Variants in ZNF804A observed in about 807,000 individuals in gnomAD.
ZNF804A encodes zinc finger protein 804A.
A neutral mutation model predicts 16.5 loss-of-function variants in ZNF804A; 2 were observed. The ratio of observed to expected loss-of-function variants is 0.12; its 90% confidence interval spans 0.05 to 0.38. ZNF804A has a LOEUF of 0.38. ZNF804A is among the 10% of genes least tolerant of loss of function. The pLI is 0.99. For synonymous variants in ZNF804A, 534 were observed against 489.6 expected (o/e 1.09, Z -1.20); for missense variants, 1,473 against 1,390.7 (o/e 1.06, Z -0.94).
chr2:184,688,531 A>G (rs1692676346), intron 1 of ZNF804A, among the ~76,000 whole-genome samples: 1 of 152,140 alleles, frequency 6.6e-6, no homozygotes, highest in Non-Finnish European at 1.5e-5. Flanking sequence ...TTAAACTGAG[A>G]GATAGGATTA....
intron 1 of ZNF804A, among the ~76,000 whole-genome samples, chr2:184,781,976 G>A (rs1044933048): frequency 6.6e-6 from 1 of 151,696 alleles, no homozygotes; most frequent in Non-Finnish European, 1.5e-5. Flanking sequence ...TATGCTGATG[G>A]CCATTTCTTC....
chr2:184,736,546 G>A (rs1380815767), intron 1 of ZNF804A, among the ~76,000 whole-genome samples: 1 of 152,032 alleles, frequency 6.6e-6, no homozygotes, highest in Non-Finnish European at 1.5e-5. Flanking sequence ...GGAACACATG[G>A]ACACAGGCAG....
At chr2:184,693,784 T>G (rs1574165747) in intron 1 of ZNF804A, among the ~76,000 whole-genome samples, 1 of 152,180 alleles carries the variant, frequency 6.6e-6, no homozygotes, top group Non-Finnish European at 1.5e-5. Flanking sequence ...CCTGGATTTA[T>G]TCTCGCTTTG....
At chr2:184,920,405 T>C (rs1397734467) in intron 2 of ZNF804A, among the ~76,000 whole-genome samples, 8 of 152,116 alleles carry the variant, frequency 5.3e-5, no homozygotes, top group African/African-American at 1.9e-4. Flanking sequence ...GTCTGGAGAG[T>C]TTTCCCTGAG....
chr2:184,762,692 A>G (rs575003773), intron 1 of ZNF804A, among the ~76,000 whole-genome samples: 12 of 152,004 alleles, frequency 7.9e-5, no homozygotes, highest in Non-Finnish European at 1.3e-4. Context: ...CTGAGTTTTT[A>G]ATTATATCAA....
intron 1 of ZNF804A, among the ~76,000 whole-genome samples, chr2:184,735,914 C>T (rs886380001): frequency 2.0e-5 from 3 of 152,122 alleles, no homozygotes; most frequent in Non-Finnish European, 4.4e-5. Flanking sequence ...TAGCCACCAC[C>T]ACCACACAGG....
intron 1 of ZNF804A, among the ~76,000 whole-genome samples, chr2:184,651,062 G>A (rs1691975316): frequency 6.6e-6 from 1 of 151,784 alleles, no homozygotes; most frequent in African/African-American, 2.4e-5. Flanking sequence ...TATTATTATA[G>A]CCAAAACAGC....
chr2:184,829,941 A>AAAAAAAAAAAAAAAAC (rs1558975002), intron 1 of ZNF804A, among the ~76,000 whole-genome samples: 1 of 146,130 alleles, frequency 6.8e-6, no homozygotes, highest in African/African-American at 2.6e-5. Flanking sequence ...AAAAAAAAAA[A>AAAAAAAAAAAAAAAAC]ACCACACACA....
At chr2:184,714,934 C>T (rs1467775970) in intron 1 of ZNF804A, among the ~76,000 whole-genome samples, 2 of 152,094 alleles carry the variant, frequency 1.3e-5, no homozygotes, top group Non-Finnish European at 2.9e-5. Context: ...ATACCTTCTT[C>T]ATACTCAGAA....
At chr2:184,883,785 A>G (rs114275971) in intron 2 of ZNF804A, among the ~76,000 whole-genome samples, 46 of 152,244 alleles carry the variant, frequency 3.0e-4, no homozygotes, top group African/African-American at 1.1e-3. Flanking sequence ...CAAACCAGGA[A>G]TTGAAGGAAC....
chr2:184,925,286 G>A (rs943049290), intron 2 of ZNF804A, among the ~76,000 whole-genome samples: 2 of 151,708 alleles, frequency 1.3e-5, no homozygotes, highest in African/African-American at 4.8e-5. Context: ...GTTATATAGT[G>A]ACCTTCTTTG....
At chr2:184,677,002 T>C (rs1692447271) in intron 1 of ZNF804A, among the ~76,000 whole-genome samples, 3 of 151,916 alleles carry the variant, frequency 2.0e-5, no homozygotes, top group Admixed American at 6.6e-5. Context: ...AAATCTATTA[T>C]ATTTGGAGTT....
intron 1 of ZNF804A, among the ~76,000 whole-genome samples, chr2:184,754,924 T>A (rs1378130762): frequency 6.6e-6 from 1 of 151,846 alleles, no homozygotes; most frequent in Admixed American, 6.6e-5. Flanking sequence ...GCCACACACC[T>A]TTAAACCATC....
At chr2:184,725,018 T>G (rs1451369617) in intron 1 of ZNF804A, among the ~76,000 whole-genome samples, 1 of 151,756 alleles carries the variant, frequency 6.6e-6, no homozygotes, top group Non-Finnish European at 1.5e-5. Flanking sequence ...CAGTTATTCC[T>G]AGGGATTTAT....
At chr2:184,800,039 T>C (rs1487724381) in intron 1 of ZNF804A, among the ~76,000 whole-genome samples, 3 of 152,134 alleles carry the variant, frequency 2.0e-5, no homozygotes, top group Non-Finnish European at 4.4e-5. Flanking sequence ...TTCAAGGTAT[T>C]GTTGTATCTA....
chr2:184,774,732 T>C (rs1162831756), intron 1 of ZNF804A, among the ~76,000 whole-genome samples: 3 of 151,788 alleles, frequency 2.0e-5, no homozygotes, highest in African/African-American at 7.2e-5. Flanking sequence ...ATCTCTGTGA[T>C]ACATTTTTGC....
At chr2:184,809,874 C>T (rs972990627) in intron 1 of ZNF804A, among the ~76,000 whole-genome samples, 3 of 151,950 alleles carry the variant, frequency 2.0e-5, no homozygotes, top group East Asian at 3.9e-4. Context: ...ATAATATAAA[C>T]CTTTAATATC....
intron 1 of ZNF804A, among the ~76,000 whole-genome samples, chr2:184,670,348 A>G (rs1039046544): frequency 1.3e-5 from 2 of 152,090 alleles, no homozygotes; most frequent in African/African-American, 4.8e-5. Flanking sequence ...ACTTTTCCCT[A>G]AAAAATAGAG....
chr2:184,833,030 G>A (rs1001459247), intron 1 of ZNF804A, among the ~76,000 whole-genome samples: 3 of 151,982 alleles, frequency 2.0e-5, no homozygotes, highest in African/African-American at 4.8e-5. Flanking sequence ...TTCCTGAGTT[G>A]CAGGGCACAT....
Sources: allele counts gnomAD v4.1 joint callset (sites outside exome capture counted in the v4.1 genomes callset), GRCh38; gene constraint gnomAD v4.1.1; transcripts MANE v1.5; gene names NCBI Gene and HGNC (gene_info 2026-07-23, HGNC 2026-07-21).